The following ERICH6B variants were observed in gnomAD, a reference collection of about 807,000 sequenced individuals.
ERICH6B encodes glutamate rich 6B.
ERICH6B carries 69 observed loss-of-function variants against 80.0 expected under a neutral mutation model. That is an observed-to-expected ratio of 0.86 (90% CI 0.71 to 1.05). ERICH6B has a LOEUF of 1.05. Among genes scored for constraint, ERICH6B ranks in the 50% least tolerant of loss-of-function variants. ERICH6B has a pLI of 0.00. For synonymous variants in ERICH6B, 283 were observed against 291.9 expected (o/e 0.97, Z 0.31); for missense variants, 754 against 796.1 (o/e 0.95, Z 0.64).
chr13:45,551,783 C>T (rs1247411316), intron 11 of ERICH6B, among the ~76,000 whole-genome samples: 3 of 152,136 alleles, frequency 2.0e-5, no homozygotes, highest in Non-Finnish European at 4.4e-5. Flanking sequence ...CTTGAGGCTA[C>T]TAGTTTGATC....
At chr13:45,589,523 C>A (rs1350576851) in intron 4 of ERICH6B, among the ~76,000 whole-genome samples, 2 of 152,168 alleles carry the variant, frequency 1.3e-5, no homozygotes, top group Non-Finnish European at 2.9e-5. Context: ...TACATTTCAT[C>A]CTCACCAAAA....
chr13:45,548,904 C>T (rs1874095237), intron 13 of ERICH6B, among the ~76,000 whole-genome samples: 1 of 152,124 alleles, frequency 6.6e-6, no homozygotes, highest in Non-Finnish European at 1.5e-5. Flanking sequence ...TGTTAAAAAC[C>T]AAAGTCTGCA....
At chr13:45,575,024 T>C in intron 7 of ERICH6B, 94 bp from the exon 8 acceptor site, 1 of 802,948 alleles carries the variant, frequency 1.2e-6, no homozygotes, top group South Asian at 1.7e-5. Flanking sequence ...AGATTGATGG[T>C]ATTTACCTTT....
chr13:45,578,047 A>G (rs1875495612), intron 7 of ERICH6B, among the ~76,000 whole-genome samples: 1 of 152,242 alleles, frequency 6.6e-6, no homozygotes, highest in South Asian at 2.1e-4. Context: ...ATCTTTTCCT[A>G]GGTCCATCTG....
Position 45,563,664 on chromosome 13 carries a change from A to G in ERICH6B, c.1249+63T>C, listed in dbSNP as rs760659477. On this transcript the variant is annotated intron_variant, in intron 10 of 14. Transcript: ENST00000298738. Reference sequence around the variant, plus strand: ...TTCTTTACAGTACATGCAGAAGGGGAGAGGCGGTGGGATGCAGACAGGAGA... The same window carrying G: ...TTCTTTACAGTACATGCAGAAGGGGGGAGGCGGTGGGATGCAGACAGGAGA... The G allele has an allele frequency of 7.9e-6, 11 of 1,389,882 alleles. No homozygotes were observed. In the African/African-American group the frequency reaches 1.6e-4, roughly 20 times the overall value. The allele number at this position is 1,389,882 out of a possible 1,614,324, so 86.1% of individuals were successfully genotyped here.
At chr13:45,563,903 G>T in intron 9 of ERICH6B, 115 bp from the exon 10 acceptor site, 1 of 837,378 alleles carries the variant, frequency 1.2e-6, no homozygotes. Context: ...GGTGGAAATG[G>T]GGCCAATGGC....
chr13:45,543,786 G>A (rs1039129148), intron 14 of ERICH6B, among the ~76,000 whole-genome samples: 3 of 152,162 alleles, frequency 2.0e-5, no homozygotes, highest in African/African-American at 7.2e-5. Context: ...GCCTGCCTGG[G>A]GAGTGTGCCT....
At chr13:45,585,571 C>T (rs1378332074) in intron 5 of ERICH6B, among the ~76,000 whole-genome samples, 1 of 152,182 alleles carries the variant, frequency 6.6e-6, no homozygotes, top group Admixed American at 6.5e-5. Context: ...CATCCCCCCA[C>T]CCCAAGTAAC....
chr13:45,612,795 G>A (rs759352333), intron 1 of ERICH6B, among the ~76,000 whole-genome samples: 16 of 152,304 alleles, frequency 1.1e-4, no homozygotes, highest in Non-Finnish European at 2.4e-4. Context: ...GGGGGATCAG[G>A]GAGGCATAGA....
chr13:45,549,812 G>A (rs1874139823), intron 13 of ERICH6B, 81 bp downstream of exon 13: 2 of 1,425,096 alleles, frequency 1.4e-6, no homozygotes, highest in Non-Finnish European at 1.9e-6. Context: ...CAGGGAGGAA[G>A]TTCATACAGT....
At chr13:45,604,027 C>G (rs1409411485) in intron 2 of ERICH6B, among the ~76,000 whole-genome samples, 2 of 152,218 alleles carry the variant, frequency 1.3e-5, no homozygotes, top group Non-Finnish European at 2.9e-5. Context: ...GGGGTCTTCT[C>G]CCCAGATGCA....
chr13:45,596,787 A>G lies in ERICH6B; in HGVS notation c.219T>C (p.Tyr73=). 1.3e-6 allele frequency: 2 copies of G among 1,551,590 alleles called. No individual in the cohort carries two copies. The highest frequency in any genetic ancestry group is 1.7e-6 in the Non-Finnish European group (2 of 1,146,950). The change falls in exon 3 of 15, where the codon TAT becomes TAC. Residue 73 remains tyrosine, a synonymous_variant. Coordinates refer to ENST00000298738, the MANE Select transcript of ERICH6B (RefSeq NM_182542.3). ...EEEEDLEEEE[Y]LGKEEYLKEE... Reference sequence around the variant, plus strand: ...CCTTCAAGTATTCTTCTTTCCCCAGATACTCTTCCTCTTCCAGATCCTCTT... The same window carrying G: ...CCTTCAAGTATTCTTCTTTCCCCAGGTACTCTTCCTCTTCCAGATCCTCTT...
intron 3 of ERICH6B, among the ~76,000 whole-genome samples, chr13:45,594,133 A>G (rs938668874): frequency 1.3e-5 from 2 of 152,228 alleles, no homozygotes; most frequent in Non-Finnish European, 2.9e-5. Flanking sequence ...ACATAAAAAC[A>G]TTGATATATT....
intron 11 of ERICH6B, among the ~76,000 whole-genome samples, chr13:45,557,082 G>A (rs181019400): frequency 3.3e-5 from 5 of 151,962 alleles, no homozygotes; most frequent in Admixed American, 6.6e-5. Context: ...TCTGTTCACC[G>A]CATCCACACC....
intron 5 of ERICH6B, among the ~76,000 whole-genome samples, chr13:45,584,335 A>T (rs1222523739): frequency 6.6e-6 from 1 of 152,116 alleles, no homozygotes; most frequent in Admixed American, 6.5e-5. Flanking sequence ...TCCACGTCAG[A>T]CCTGCCACCC....
At chr13:45,608,614 A>G (rs1439263912) in intron 1 of ERICH6B, among the ~76,000 whole-genome samples, 1 of 152,166 alleles carries the variant, frequency 6.6e-6, no homozygotes, top group Non-Finnish European at 1.5e-5. Flanking sequence ...TTTTCAGGAG[A>G]GTGTCTCCAC....
At chr13:45,577,214 A>G (rs923365283) in intron 7 of ERICH6B, among the ~76,000 whole-genome samples, 1 of 151,446 alleles carries the variant, frequency 6.6e-6, no homozygotes, top group Non-Finnish European at 1.5e-5. Context: ...ATGTAGGTCA[A>G]TGCTAGCACA....
At chr13:45,548,140 A>AT (rs1341907314) in intron 13 of ERICH6B, among the ~76,000 whole-genome samples, 1 of 152,168 alleles carries the variant, frequency 6.6e-6, no homozygotes, top group African/African-American at 2.4e-5. Context: ...TGGGTGCTGG[A>AT]TTTTAGTTTC....
intron 8 of ERICH6B, among the ~76,000 whole-genome samples, chr13:45,572,254 G>A (rs1248163751): frequency 6.6e-6 from 1 of 152,192 alleles, no homozygotes; most frequent in Non-Finnish European, 1.5e-5. Flanking sequence ...TGTCATGGCA[G>A]CTGTGCTGGG....
Sources: gnomAD v4.1 joint callset for allele counts (sites outside exome capture counted in the v4.1 genomes callset) on GRCh38, gnomAD v4.1.1 for gene constraint, MANE v1.5 for transcripts, NCBI Gene and HGNC (gene_info 2026-07-23, HGNC 2026-07-21) for gene names.